Variants in WDR62 observed in about 807,000 individuals in gnomAD.
The protein encoded by WDR62 is WD repeat-containing protein 62.
WDR62 carries 112 observed loss-of-function variants against 160.6 expected under a neutral mutation model. The ratio of observed to expected loss-of-function variants is 0.70; its 90% CI spans 0.60 to 0.82. The LOEUF is 0.82. Ranked by LOEUF, WDR62 falls within the 40% of genes least tolerant of loss-of-function variation. The probability of loss-of-function intolerance (pLI) is 0.00; values close to 1 mark genes in which losing one functional copy is unlikely to be tolerated. For missense variants in WDR62, 1,819 were observed against 1,983.8 expected, an observed-to-expected ratio of 0.92 and a Z score of 1.58; for synonymous variants, 792 against 815.1, an observed-to-expected ratio of 0.97 and a Z score of 0.48.
In WDR62 at chr19:36,104,885, G is replaced by A; in HGVS notation, c.4429G>A (p.Ala1477Thr). The stretch of plus-strand genomic sequence containing the variant: ...TGAATGCCTGGTGGGGACTAGTGTG[G>A]CCCCAGCCCAGGCTCTGCCCAGCCC... ...EAECLVGTSVAPAQALPSPGP... is the reference protein window; with the variant it reads ...EAECLVGTSVTPAQALPSPGP... The change falls in exon 32 of 32, where the codon GCC (alanine) becomes ACC (threonine). Residue 1477 changes from alanine (A) to threonine (T), a missense_variant. Transcript: ENST00000401500. The A allele has an allele frequency of 6.2e-7, 1 of 1,612,172 alleles. No homozygotes were observed. The highest frequency in any genetic ancestry group is 8.5e-7 in the Non-Finnish European group (1 of 1,179,870).
At position 36,104,902 on chromosome 19, in the gene WDR62, G is replaced by T. The variant is rs767400310; in HGVS notation, c.4446G>T (p.Leu1482=). Residue 1482 remains leucine, a synonymous_variant, in exon 32 of 32, where the codon CTG becomes CTT. Coordinates refer to ENST00000401500, the MANE Select transcript of WDR62 (RefSeq NM_001083961.2). Reference sequence around the variant, plus strand: ...CTAGTGTGGCCCCAGCCCAGGCTCTGCCCAGCCCAGGACCCCCGTCCCCAC... The same window carrying T: ...CTAGTGTGGCCCCAGCCCAGGCTCTTCCCAGCCCAGGACCCCCGTCCCCAC... ...VGTSVAPAQA[L]PSPGPPSPPT... 2 of 1,611,012 alleles carry T rather than the reference G, an allele frequency of 1.2e-6. No individual in the cohort carries two copies. Among genetic ancestry groups the T allele is most frequent in the Non-Finnish European group, 1.7e-6 (2 of 1,179,718 alleles).
intron 25 of WDR62, 23 bp from the exon 26 acceptor site, chr19:36,101,991 T>C: frequency 6.2e-7 from 1 of 1,613,970 alleles, no homozygotes; most frequent in African/African-American, 1.3e-5. Flanking sequence ...GCTCCTCTTG[T>C]CCCTCCCCTC....
chr19:36,082,591 C>T (rs1165946039), intron 10 of WDR62, among the ~76,000 whole-genome samples: 2 of 152,244 alleles, frequency 1.3e-5, no homozygotes, highest in East Asian at 3.8e-4. Context: ...CTGTGACATA[C>T]ATGCTGTTTT....
rs866392775 is a variant in WDR62, at chr19:36,102,228, C to T, written c.3220+77C>T. 19 of 1,605,410 alleles carry T rather than the reference C, an allele frequency of 1.2e-5. 1 individual carries two copies. The Middle Eastern group carries it at 9.9e-4, about 84-fold the overall frequency. On this transcript the variant is annotated intron_variant, in intron 26 of 31. Coordinates refer to ENST00000401500, the MANE Select transcript of WDR62 (RefSeq NM_001083961.2). Reference sequence around the variant, plus strand: ...ACAGCATTGGCGTCCCTGGAGTTGGCTCCCCAGCAGGGCCAGGAGGGTGAG... The same window carrying T: ...ACAGCATTGGCGTCCCTGGAGTTGGTTCCCCAGCAGGGCCAGGAGGGTGAG...
downstream of WDR62, among the ~76,000 whole-genome samples, chr19:36,106,407 C>T (rs902699886): frequency 4.0e-5 from 6 of 151,836 alleles, no homozygotes; most frequent in African/African-American, 7.3e-5. Flanking sequence ...ACCCAGGTGC[C>T]GGGCACTGTA....
At chr19:36,060,290 T>C (rs1356274175) in intron 3 of WDR62, 8 of 530,950 alleles carry the variant, frequency 1.5e-5, no homozygotes, top group Admixed American at 3.1e-5. Context: ...TGATCAGTGC[T>C]ATGGAGGAAA....
chr19:36,102,714 GTCCCCTCGGGATCT>G lies in WDR62; in HGVS notation c.3221-16_3221-3del, dbSNP rs746568208. The G allele has an allele frequency of 1.9e-6, 3 of 1,610,154 alleles. No homozygotes were observed. Among genetic ancestry groups the G allele is most frequent in the Non-Finnish European group, 2.6e-6 (3 of 1,176,438 alleles). On this transcript the variant is annotated splice_polypyrimidine_tract_variant and intron_variant, in intron 26 of 31. Coordinates refer to ENST00000401500, the MANE Select transcript of WDR62 (RefSeq NM_001083961.2). Reference sequence around the variant, plus strand: ...CTGCTCGGCGGGAAGGGTTATGAGGGTCCCCTCGGGATCTTCCCCTAGAGCTCTTCCCCGCAGCT... The same window carrying G: ...CTGCTCGGCGGGAAGGGTTATGAGGGTCCCCTAGAGCTCTTCCCCGCAGCT...
chr19:36,077,784 CAG>C (rs1971662212), intron 9 of WDR62, among the ~76,000 whole-genome samples: 1 of 151,712 alleles, frequency 6.6e-6, no homozygotes, highest in Admixed American at 6.6e-5. Context: ...TTAGTAGAGA[CAG>C]GGTTTCACCA....
intron 18 of WDR62, 86 bp from the exon 19 acceptor site, chr19:36,092,603 G>A (rs1972689751): frequency 6.3e-7 from 1 of 1,578,320 alleles, no homozygotes; most frequent in African/African-American, 1.3e-5. Flanking sequence ...CCAGGCTGTG[G>A]TGTGGGTGGC....
intron 7 of WDR62, among the ~76,000 whole-genome samples, chr19:36,069,126 C>CT (rs1491487283): frequency 1.4e-5 from 2 of 144,944 alleles, no homozygotes; most frequent in Non-Finnish European, 3.0e-5. Context: ...CGGGGGCTGA[C>CT]TCCCCCCACC....
chr19:36,080,584 G>T (rs543341388), intron 9 of WDR62, among the ~76,000 whole-genome samples: 2 of 151,624 alleles, frequency 1.3e-5, no homozygotes, highest in East Asian at 3.9e-4. Flanking sequence ...TCAGCCTCCC[G>T]AGTAGCTGGG....
intron 7 of WDR62, among the ~76,000 whole-genome samples, chr19:36,069,328 A>G (rs1289331172): frequency 6.6e-6 from 1 of 151,726 alleles, no homozygotes; most frequent in Non-Finnish European, 1.5e-5. Flanking sequence ...ACGGCCAGGC[A>G]GAGACGCTCC....
At chr19:36,078,980 T>TA (rs1163840686) in intron 9 of WDR62, among the ~76,000 whole-genome samples, 1 of 151,948 alleles carries the variant, frequency 6.6e-6, no homozygotes, top group Admixed American at 6.6e-5. Context: ...TTTTATGTGA[T>TA]ACCAGTTTTT....
At chr19:36,055,571 G>A (rs1970318591) in intron 1 of WDR62, among the ~76,000 whole-genome samples, 1 of 151,980 alleles carries the variant, frequency 6.6e-6, no homozygotes, top group South Asian at 2.1e-4. Flanking sequence ...ACTCTTCCTC[G>A]CTTCTACCCC....
chr19:36,111,093 G>A, the WDR62 span: 3 of 1,014,104 alleles, frequency 3.0e-6, no homozygotes, highest in African/African-American at 3.2e-5. Flanking sequence ...TGAAGAGAAT[G>A]AGGTTCCTCA....
In WDR62 at chr19:36,089,298, C is replaced by T; in HGVS notation, c.1950C>T (p.Arg650=). The change falls in exon 15 of 32, where the codon CGC becomes CGT. Residue 650 remains arginine (R), a synonymous_variant. Coordinates refer to ENST00000401500, the MANE Select transcript of WDR62 (RefSeq NM_001083961.2). The part of the protein sequence containing the change: ...QKYVAVACQD[R]NVRVYNTVNG... ...ACGTGGCCGTGGCCTGCCAGGACCG[C>T]AATGTGAGGTAAGGGGTGGCCCTGG... 7 of 1,614,202 alleles carry T rather than the reference C, an allele frequency of 4.3e-6. No homozygotes were observed. Among genetic ancestry groups the T allele is most frequent in the Non-Finnish European group, 5.9e-6 (7 of 1,180,034 alleles).
At chr19:36,090,576 C>A in intron 16 of WDR62, 56 bp downstream of exon 16, 1 of 1,506,480 alleles carries the variant, frequency 6.6e-7, no homozygotes, top group Non-Finnish European at 9.2e-7. Context: ...CCTATTGTGA[C>A]GGCCCACACC....
intron 1 of WDR62, among the ~76,000 whole-genome samples, chr19:36,057,466 C>T (rs941321033): frequency 2.0e-5 from 3 of 152,020 alleles, no homozygotes; most frequent in Non-Finnish European, 4.4e-5. Flanking sequence ...CCTGGCACTA[C>T]CCCTTCCTGG....
chr19:36,081,573 G>A lies in WDR62; in HGVS notation c.1371+3G>A. 6.2e-7 allele frequency: 1 copy of A among 1,614,190 alleles called. No homozygotes were observed. The highest frequency in any genetic ancestry group is 8.5e-7 in the Non-Finnish European group (1 of 1,180,038). ...GGCAGAAAAACATCTTCAGCAATGTGAGTGGCTTCCTTTGTGAACCATCTT... is the reference window on the plus strand; with the variant it reads ...GGCAGAAAAACATCTTCAGCAATGTAAGTGGCTTCCTTTGTGAACCATCTT... On this transcript the variant is annotated splice_donor_region_variant and intron_variant, in intron 10 of 31. Transcript: ENST00000401500.
Sources: allele counts gnomAD v4.1 joint callset (sites outside exome capture counted in the v4.1 genomes callset), GRCh38; gene constraint gnomAD v4.1.1; transcripts MANE v1.5; gene names NCBI Gene and HGNC (gene_info 2026-07-23, HGNC 2026-07-21).